Variants in NCOR1 observed in about 807,000 individuals in gnomAD.
NCOR1 encodes the protein protein phosphatase 1, regulatory subunit 109.
A neutral mutation model predicts 288.1 loss-of-function variants in NCOR1; 63 were observed. That is an observed-to-expected ratio of 0.22 (90% CI 0.18 to 0.27). The LOEUF (loss-of-function observed/expected upper bound fraction) is 0.27, where lower values mean the gene tolerates loss of function less well. NCOR1 is among the 10% of genes least tolerant of loss of function. The pLI is 1.00. For missense variants in NCOR1, 2,397 were observed against 3,019.2 expected (o/e 0.79, Z 4.83); for synonymous variants, 1,007 against 1,065.9 (o/e 0.94, Z 1.08).
At chr17:16,127,503 A>G (rs2074678874) in intron 14 of NCOR1, among the ~76,000 whole-genome samples, 1 of 146,912 alleles carries the variant, frequency 6.8e-6, no homozygotes, top group Admixed American at 6.8e-5. Flanking sequence ...GTGCATGTAT[A>G]TACATATGTG....
Position 16,029,605 on chromosome 17 carries a change from G to A in NCOR1, c.*2691C>T, listed in dbSNP as rs2151704391. On this transcript the variant is annotated 3_prime_UTR_variant, in exon 46 of 46. Transcript: ENST00000268712. The stretch of plus-strand genomic sequence containing the variant: ...AATCACGTGTAAGGATATAGTGTCA[G>A]AACACTGAAATCTAAGTCTACAAAG... 1 of 180,176 alleles carries A rather than the reference G, an allele frequency of 5.6e-6. No individual in the cohort carries two copies. The highest frequency in any genetic ancestry group is 2.4e-5 in the African/African-American group (1 of 41,900). The allele number at this position is 180,176 out of a possible 1,614,324, so 11.2% of individuals were successfully genotyped here.
In NCOR1 at chr17:16,062,123, G is replaced by C; in HGVS notation, c.5369C>G (p.Thr1790Ser). 1 of 1,612,376 alleles carries C rather than the reference G, an allele frequency of 6.2e-7. No individual in the cohort carries two copies. The highest frequency in any genetic ancestry group is 8.5e-7 in the Non-Finnish European group (1 of 1,179,632). The change falls in exon 36 of 46, where the codon ACT becomes AGT. Residue 1790 changes from threonine to serine, a missense_variant. Thr to Ser is a moderately conservative substitution (Grantham distance 58). Coordinates refer to ENST00000268712, the MANE Select transcript of NCOR1 (RefSeq NM_006311.4). ...GTSVITPLDP[T>S]AQLRIMPLPA... is the part of the protein sequence containing the mutation. ...GACTGACATGATTCGTAGCTGAGCAGTTGGATCCAAAGGTGTGATTACACT... is the reference window on the plus strand; with the variant it reads ...GACTGACATGATTCGTAGCTGAGCACTTGGATCCAAAGGTGTGATTACACT...
chr17:16,126,673 A>C (rs2074110228), intron 14 of NCOR1, among the ~76,000 whole-genome samples: 1 of 152,244 alleles, frequency 6.6e-6, no homozygotes, highest in South Asian at 2.1e-4. Context: ...ACTTAATGGA[A>C]TATGTAAACA....
chr17:16,152,066 T>G, intron 7 of NCOR1, 68 bp from the exon 8 acceptor site: 1 of 1,102,156 alleles, frequency 9.1e-7, no homozygotes, highest in Non-Finnish European at 1.3e-6. Context: ...CAAAGAAACA[T>G]AATTTTAATG....
intron 3 of NCOR1, among the ~76,000 whole-genome samples, chr17:16,185,362 T>C (rs1268917810): frequency 1.3e-5 from 2 of 152,096 alleles, no homozygotes; most frequent in Non-Finnish European, 2.9e-5. Flanking sequence ...AACATCATGT[T>C]GTATGCCTTA....
At chr17:16,090,168 A>G (rs2064951031) in intron 22 of NCOR1, among the ~76,000 whole-genome samples, 1 of 152,144 alleles carries the variant, frequency 6.6e-6, no homozygotes, top group Admixed American at 6.5e-5. Context: ...CATTTTATAA[A>G]GCAGACCAAT....
chr17:16,112,554 G>T (rs1568096144), intron 18 of NCOR1, among the ~76,000 whole-genome samples: 1 of 152,122 alleles, frequency 6.6e-6, no homozygotes, highest in African/African-American at 2.4e-5. Context: ...GGAGTACAGT[G>T]GCGCGATCTC....
chr17:16,160,018 G>A (rs755979887), intron 5 of NCOR1, among the ~76,000 whole-genome samples: 19 of 151,934 alleles, frequency 1.3e-4, no homozygotes, highest in Non-Finnish European at 2.4e-4. Context: ...TTTTAGTAGA[G>A]ACAGGGATTC....
At chr17:16,057,475 G>C in intron 40 of NCOR1, 39 bp downstream of exon 40, 1 of 1,576,720 alleles carries the variant, frequency 6.3e-7, no homozygotes, top group Non-Finnish European at 8.7e-7. Flanking sequence ...TTGTTTTACT[G>C]TTGGGCAATT....
chr17:16,088,788 G>A (rs192850111), intron 22 of NCOR1, among the ~76,000 whole-genome samples: 40 of 152,144 alleles, frequency 2.6e-4, no homozygotes, highest in Admixed American at 9.8e-4. Flanking sequence ...GTCTACCAGC[G>A]ATTTTTTTAA....
intron 17 of NCOR1, 63 bp downstream of exon 17, chr17:16,119,360 T>C: frequency 8.4e-7 from 1 of 1,184,276 alleles, no homozygotes; most frequent in Non-Finnish European, 1.2e-6. Context: ...TCCATCTCAC[T>C]CATTACTAAT....
At chr17:16,147,827 T>C (rs2078224558) in intron 9 of NCOR1, among the ~76,000 whole-genome samples, 2 of 151,406 alleles carry the variant, frequency 1.3e-5, no homozygotes, top group Non-Finnish European at 3.0e-5. Context: ...TGCAAATTCT[T>C]TTTTTTTTGG....
At chr17:16,060,458 C>T (rs1256447766) in intron 37 of NCOR1, among the ~76,000 whole-genome samples, 1 of 152,180 alleles carries the variant, frequency 6.6e-6, no homozygotes, top group African/African-American at 2.4e-5. Context: ...ATATCTCTTT[C>T]TCAGCTAGCA....
In NCOR1 at chr17:16,166,351, T is replaced by C. The variant is rs78095704; in HGVS notation, c.436-1190A>G. Reference sequence around the variant, plus strand: ...CTTAAGATGTAAATCCTTGAGGTCATTGGCTTCCAAAATAAACCAGTATGT... The same window carrying C: ...CTTAAGATGTAAATCCTTGAGGTCACTGGCTTCCAAAATAAACCAGTATGT... On this transcript the variant is annotated intron_variant, in intron 4 of 45. Transcript: ENST00000268712. Among the ~76,000 whole-genome samples, 745 of 152,312 alleles carry C rather than the reference T, an allele frequency of 4.9e-3. 29 individuals carry two copies. Among genetic ancestry groups the C allele is most frequent in the Admixed American group, 0.039 (597 of 15,284 alleles).
At chr17:16,064,464 G>T (rs969012303) in intron 34 of NCOR1, among the ~76,000 whole-genome samples, 1 of 151,936 alleles carries the variant, frequency 6.6e-6, no homozygotes, top group African/African-American at 2.4e-5. Context: ...TTAGCCAGGT[G>T]TGGTGGCGCG....
chr17:16,195,461 A>G (rs561213045), intron 1 of NCOR1, among the ~76,000 whole-genome samples: 7 of 146,830 alleles, frequency 4.8e-5, no homozygotes, highest in South Asian at 2.1e-4. Flanking sequence ...ACAGAGCAAG[A>G]CTCCGTCTCA....
intron 40 of NCOR1, among the ~76,000 whole-genome samples, chr17:16,052,633 C>T (rs894201117): frequency 8.5e-5 from 13 of 152,118 alleles, no homozygotes; most frequent in Admixed American, 2.6e-4. Flanking sequence ...CAAAAAAAGC[C>T]CATGACCAGA....
chr17:16,163,018 A>T (rs1377255472), intron 5 of NCOR1, among the ~76,000 whole-genome samples: 1 of 151,972 alleles, frequency 6.6e-6, no homozygotes, highest in African/African-American at 2.4e-5. Flanking sequence ...CTGTTCACCA[A>T]AAAAAATACT....
At chr17:16,135,158 C>CAAAA (rs577308243) in intron 14 of NCOR1, among the ~76,000 whole-genome samples, 4 of 35,866 alleles carry the variant, frequency 1.1e-4, no homozygotes, top group Admixed American at 2.6e-4. Context: ...GACTCCATCT[C>CAAAA]AAAAAAAAAA....
Sources: allele counts gnomAD v4.1 joint callset (sites outside exome capture counted in the v4.1 genomes callset), GRCh38; gene constraint gnomAD v4.1.1; transcripts MANE v1.5; gene names NCBI Gene and HGNC (gene_info 2026-07-23, HGNC 2026-07-21).